DGKI: variants seen among roughly 807,000 people sequenced by gnomAD.
The protein encoded by DGKI is DAG kinase iota.
A neutral mutation model predicts 147.5 loss-of-function variants in DGKI; 55 were observed. The ratio of observed to expected loss-of-function variants is 0.37; its 90% CI spans 0.30 to 0.47. The LOEUF is 0.47. Ranked by LOEUF, DGKI falls within the 20% of genes least tolerant of loss-of-function variation. The pLI, the probability that DGKI is intolerant of heterozygous loss-of-function variation, is 1.00. For missense variants in DGKI, 1,007 were observed against 1,323.8 expected (o/e 0.76, Z 3.71); for synonymous variants, 469 against 477.1 (o/e 0.98, Z 0.22).
At chr7:137,640,308 G>C (rs190880714) in intron 6 of DGKI, among the ~76,000 whole-genome samples, 31 of 152,292 alleles carry the variant, frequency 2.0e-4, no homozygotes, top group Non-Finnish European at 3.5e-4. Flanking sequence ...GCAGAGAGTA[G>C]AACAGTGGTT....
At chr7:137,422,044 T>C (rs1302664705) in intron 28 of DGKI, among the ~76,000 whole-genome samples, 2 of 152,244 alleles carry the variant, frequency 1.3e-5, no homozygotes, top group Non-Finnish European at 2.9e-5. Context: ...CCACTGCAAC[T>C]ATCTCATGAG....
At chr7:137,767,122 C>T (rs1183868518) in intron 1 of DGKI, among the ~76,000 whole-genome samples, 2 of 152,174 alleles carry the variant, frequency 1.3e-5, no homozygotes, top group Admixed American at 6.5e-5. Context: ...GGGCCACCCA[C>T]GGAAGTTATC....
intron 3 of DGKI, among the ~76,000 whole-genome samples, chr7:137,662,387 G>T (rs1585342462): frequency 6.6e-6 from 1 of 152,002 alleles, no homozygotes; most frequent in East Asian, 1.9e-4. Context: ...GGGACTACAG[G>T]TGCCCGCCAC....
intron 21 of DGKI, among the ~76,000 whole-genome samples, chr7:137,501,159 G>A (rs1816157716): frequency 1.3e-5 from 2 of 152,000 alleles, no homozygotes; most frequent in Admixed American, 6.6e-5. Flanking sequence ...TTAACATCCT[G>A]TCCTCCAGTT....
At chr7:137,735,543 G>GT (rs3839662) in intron 1 of DGKI, among the ~76,000 whole-genome samples, 34,579 of 151,868 alleles carry the variant, frequency 0.23, 7,367 homozygotes, top group African/African-American at 0.56. Context: ...AGGTAGACGG[G>GT]TTTTTTCTTT....
At chr7:137,700,757 A>T (rs1823949737) in intron 1 of DGKI, among the ~76,000 whole-genome samples, 1 of 152,162 alleles carries the variant, frequency 6.6e-6, no homozygotes, top group Non-Finnish European at 1.5e-5. Context: ...GGGAGCCTAT[A>T]ATCCCAGCTA....
intron 1 of DGKI, chr7:137,843,490 G>GA (rs969545273): frequency 2.1e-6 from 2 of 937,324 alleles, no homozygotes; most frequent in African/African-American, 1.8e-5. Context: ...ATTCTCATGG[G>GA]AAAAATGGTT....
intron 20 of DGKI, among the ~76,000 whole-genome samples, chr7:137,525,263 G>A (rs1375891348): frequency 1.3e-5 from 2 of 152,084 alleles, no homozygotes; most frequent in Non-Finnish European, 2.9e-5. Context: ...TTGCTCTCTT[G>A]CTCTTAGCTC....
At chr7:137,530,577 A>T (rs1407268958) in intron 20 of DGKI, among the ~76,000 whole-genome samples, 1 of 152,144 alleles carries the variant, frequency 6.6e-6, no homozygotes, top group Non-Finnish European at 1.5e-5. Context: ...GTTATCTTTA[A>T]ATCTCCCACT....
At chr7:137,669,357 C>A (rs983231634) in intron 3 of DGKI, among the ~76,000 whole-genome samples, 10 of 152,198 alleles carry the variant, frequency 6.6e-5, no homozygotes, top group African/African-American at 2.4e-4. Context: ...AATAATGCTT[C>A]CATCAAGATT....
At chr7:137,643,991 C>T (rs936443097) in intron 6 of DGKI, among the ~76,000 whole-genome samples, 4 of 152,248 alleles carry the variant, frequency 2.6e-5, no homozygotes, top group African/African-American at 4.8e-5. Context: ...CCGGCTGCAG[C>T]ATACTGTTAC....
chr7:137,595,123 A>G (rs1819739962), intron 12 of DGKI, among the ~76,000 whole-genome samples: 1 of 152,234 alleles, frequency 6.6e-6, no homozygotes, highest in African/African-American at 2.4e-5. Flanking sequence ...AAAGGTACCT[A>G]CCACATTAAA....
chr7:137,525,950 C>A (rs1272265125), intron 20 of DGKI, among the ~76,000 whole-genome samples: 1 of 151,746 alleles, frequency 6.6e-6, no homozygotes, highest in African/African-American at 2.4e-5. Context: ...GGTGCTCTCC[C>A]ACCTAGTATT....
chr7:137,570,644 T>C (rs375619108), intron 19 of DGKI, among the ~76,000 whole-genome samples: 1 of 150,272 alleles, frequency 6.7e-6, no homozygotes, highest in Non-Finnish European at 1.5e-5. Flanking sequence ...CAGGCTGGAG[T>C]GCAGTGGCAC....
intron 1 of DGKI, among the ~76,000 whole-genome samples, chr7:137,730,155 C>T (rs949428638): frequency 6.6e-6 from 1 of 152,128 alleles, no homozygotes; most frequent in Non-Finnish European, 1.5e-5. Context: ...AGGCCGCCTA[C>T]ACACCAACTC....
chr7:137,735,426 A>T (rs1252124800), intron 1 of DGKI, among the ~76,000 whole-genome samples: 3 of 152,080 alleles, frequency 2.0e-5, no homozygotes, highest in Non-Finnish European at 4.4e-5. Flanking sequence ...ATCAGGAATC[A>T]TCTGTCATAT....
At chr7:137,631,189 T>G (rs1430884001) in intron 6 of DGKI, among the ~76,000 whole-genome samples, 1 of 152,220 alleles carries the variant, frequency 6.6e-6, no homozygotes, top group Non-Finnish European at 1.5e-5. Flanking sequence ...GGTAGAATTA[T>G]CTACACTTCC....
At chr7:137,840,868 T>C (rs1798524656) in intron 1 of DGKI, among the ~76,000 whole-genome samples, 1 of 152,256 alleles carries the variant, frequency 6.6e-6, no homozygotes, top group South Asian at 2.1e-4. Flanking sequence ...TCGATTCAAA[T>C]GATCAGGTGC....
intron 6 of DGKI, among the ~76,000 whole-genome samples, chr7:137,632,296 G>C (rs148197494): frequency 6.6e-6 from 1 of 152,154 alleles, no homozygotes; most frequent in East Asian, 1.9e-4. Context: ...TCTGTTTCTC[G>C]ACCTAAGCTA....
Sources: gnomAD v4.1 joint callset for allele counts (sites outside exome capture counted in the v4.1 genomes callset) on GRCh38, gnomAD v4.1.1 for gene constraint, MANE v1.5 for transcripts, NCBI Gene and HGNC (gene_info 2026-07-23, HGNC 2026-07-21) for gene names.